NTN4: variants seen among roughly 807,000 people sequenced by gnomAD.
The protein encoded by NTN4 is netrin 4, also known as netrin-4.
In NTN4, 32 loss-of-function variants were observed where a neutral mutation model predicts 73.6. The observed-to-expected ratio is 0.44, with a 90% CI of 0.33 to 0.58. The LOEUF (loss-of-function observed/expected upper bound fraction) is 0.58. Among genes scored for constraint, NTN4 ranks in the 20% least tolerant of loss-of-function variants. The probability of loss-of-function intolerance (pLI) is 0.04; values close to 1 mark genes in which losing one functional copy is unlikely to be tolerated. For synonymous variants in NTN4, 258 were observed against 287.5 expected, an observed-to-expected ratio of 0.90 and a Z score of 1.04; for missense variants, 654 against 798.3, an observed-to-expected ratio of 0.82 and a Z score of 2.18.
At chr12:95,678,261 G>A (rs1321202329) in intron 7 of NTN4, among the ~76,000 whole-genome samples, 1 of 151,030 alleles carries the variant, frequency 6.6e-6, no homozygotes, top group Non-Finnish European at 1.5e-5. Flanking sequence ...CCTAGATGAG[G>A]GGTTGATAGG....
intron 2 of NTN4, among the ~76,000 whole-genome samples, chr12:95,769,474 C>T (rs144042528): frequency 7.5e-4 from 112 of 150,012 alleles, no homozygotes; most frequent in Non-Finnish European, 1.3e-3. Flanking sequence ...GAACGACTCG[C>T]GAGTTGGGCA....
At position 95,790,104 on chromosome 12, in the gene NTN4, C is replaced by A; in HGVS notation, c.55+151G>T. The A allele has an allele frequency of 1.7e-6, 1 of 578,514 alleles. No homozygotes were observed. The allele number at this position is 578,514 out of a possible 1,614,324, so 35.8% of individuals were successfully genotyped here. On this transcript the variant is annotated intron_variant, in intron 1 of 9. Transcript: ENST00000343702. The surrounding 1 kb of genome is among the most constrained non-coding windows in gnomAD (Gnocchi z 6.5). ...AATAGTATTTGAAACTGCGGAGCCC[C>A]GGGGAAAGGAGGCGGAACATGGCCA...
At chr12:95,738,818 G>A (rs6538669) in intron 2 of NTN4, among the ~76,000 whole-genome samples, 116,117 of 152,050 alleles carry the variant, frequency 0.76, 44,504 homozygotes, top group Non-Finnish European at 0.81. Flanking sequence ...AAATATAACT[G>A]TGGGGGAGAG....
chr12:95,737,574 A>G (rs2078787463), intron 3 of NTN4, among the ~76,000 whole-genome samples: 2 of 152,114 alleles, frequency 1.3e-5, no homozygotes, highest in South Asian at 2.1e-4. Flanking sequence ...CACTAATATA[A>G]TCATGCCATC....
At chr12:95,739,520 A>G (rs551824753) in intron 2 of NTN4, among the ~76,000 whole-genome samples, 2 of 152,350 alleles carry the variant, frequency 1.3e-5, no homozygotes, top group East Asian at 1.9e-4. Flanking sequence ...CAGCTAGAAC[A>G]TGATTTTCTG....
chr12:95,729,632 A>AGAGAGT (rs1555218229), intron 3 of NTN4, among the ~76,000 whole-genome samples: 26 of 124,168 alleles, frequency 2.1e-4, no homozygotes, highest in African/African-American at 5.2e-4. Flanking sequence ...AGAGAGAGAG[A>AGAGAGT]GTGTGTGTGT....
chr12:95,669,532 A>C (rs2078210645), intron 8 of NTN4, among the ~76,000 whole-genome samples: 1 of 152,120 alleles, frequency 6.6e-6, no homozygotes, highest in African/African-American at 2.4e-5. Flanking sequence ...CAAACATCTC[A>C]TTCCACGAGG....
At chr12:95,683,422 G>T in intron 6 of NTN4, 76 bp downstream of exon 6, 2 of 1,384,712 alleles carry the variant, frequency 1.4e-6, no homozygotes, top group South Asian at 2.4e-5. Context: ...CAGAATGCAA[G>T]ATTTTCCAAA....
chr12:95,752,004 C>T (rs1029395778), intron 2 of NTN4, among the ~76,000 whole-genome samples: 4 of 151,024 alleles, frequency 2.6e-5, no homozygotes, highest in Admixed American at 6.6e-5. Context: ...ATCTCATTGC[C>T]GCCCTTCTTC....
rs1565882510 is a variant in NTN4, at chr12:95,682,782, G to A, written c.1435C>T (p.Arg479Cys). 3.7e-6 allele frequency: 6 copies of A among 1,613,702 alleles called. No individual in the cohort carries two copies. Among genetic ancestry groups the A allele is most frequent in the South Asian group, 1.1e-5 (1 of 91,056 alleles). Residue 479 changes from arginine to cysteine, a missense_variant, in exon 7 of 10, where the codon CGT becomes TGT. Coordinates refer to ENST00000343702, the MANE Select transcript of NTN4 (RefSeq NM_021229.4). ...IDWYHEVPDF[R>C]PVHNKSEPAW... The stretch of plus-strand genomic sequence containing the variant: ...GGTTCGCTCTTATTGTGCACGGGAC[G>A]GAAGTCAGGAACTTCATGATACCAG...
chr12:95,702,574 G>C (rs889336415), intron 5 of NTN4, among the ~76,000 whole-genome samples: 5 of 152,126 alleles, frequency 3.3e-5, no homozygotes, highest in African/African-American at 1.2e-4. Context: ...CCTTTGAATA[G>C]TGACCAGAAA....
chr12:95,757,327 T>C (rs2078953402), intron 2 of NTN4, among the ~76,000 whole-genome samples: 1 of 152,192 alleles, frequency 6.6e-6, no homozygotes, highest in South Asian at 2.1e-4. Context: ...AATTAACCTA[T>C]CCAACATCAC....
chr12:95,707,770 A>G (rs1386433150), intron 5 of NTN4, among the ~76,000 whole-genome samples: 1 of 152,214 alleles, frequency 6.6e-6, no homozygotes, highest in Non-Finnish European at 1.5e-5. Context: ...ATACATGAAC[A>G]CATTAGGTAT....
intron 9 of NTN4, among the ~76,000 whole-genome samples, chr12:95,664,829 G>A (rs2078167361): frequency 6.6e-6 from 1 of 151,952 alleles, no homozygotes; most frequent in East Asian, 1.9e-4. Flanking sequence ...GCCAGGTTGG[G>A]CACAAAAGAC....
At chr12:95,677,438 GA>G (rs78029674) in intron 7 of NTN4, among the ~76,000 whole-genome samples, 3,915 of 151,600 alleles carry the variant, frequency 0.026, 197 homozygotes, top group East Asian at 0.24. Flanking sequence ...GCAGAGAATA[GA>G]AAAAAAACGT....
intron 4 of NTN4, among the ~76,000 whole-genome samples, 174 bp downstream of exon 4, chr12:95,713,038 C>T (rs567301270): frequency 3.3e-5 from 5 of 152,192 alleles, no homozygotes; most frequent in East Asian, 1.9e-4. Context: ...ATGTAATGAA[C>T]GGCAACTGTT....
intron 6 of NTN4, 43 bp from the exon 7 acceptor site, chr12:95,682,865 T>C: frequency 8.5e-7 from 1 of 1,169,960 alleles, no homozygotes; most frequent in South Asian, 1.3e-5. Context: ...CAGGAATTTT[T>C]TAGAACTTGT....
At chr12:95,751,698 C>T (rs2121218217) in intron 2 of NTN4, among the ~76,000 whole-genome samples, 1 of 152,156 alleles carries the variant, frequency 6.6e-6, no homozygotes, top group Middle Eastern at 3.4e-3. Context: ...ATCACGGACG[C>T]CAAGCTTCAG....
intron 2 of NTN4, among the ~76,000 whole-genome samples, chr12:95,763,324 C>T (rs1423578923): frequency 1.3e-5 from 2 of 152,162 alleles, no homozygotes; most frequent in African/African-American, 2.4e-5. Context: ...GGCTGATGCC[C>T]ATTCATTCTC....
Sources: allele counts gnomAD v4.1 joint callset (sites outside exome capture counted in the v4.1 genomes callset), GRCh38; gene constraint gnomAD v4.1.1; non-coding constraint Gnocchi (gnomAD v3.1); transcripts MANE v1.5; gene names NCBI Gene and HGNC (gene_info 2026-07-23, HGNC 2026-07-21).